CRYZ: variants seen among roughly 807,000 people sequenced by gnomAD.
CRYZ encodes the protein zeta-crystallin.
Under a neutral mutation model 34.1 loss-of-function variants are expected in CRYZ, and 35 were observed. That is an observed-to-expected ratio of 1.03 (90% CI 0.78 to 1.36). The LOEUF is 1.36. Among genes scored for constraint, CRYZ ranks in the 40% most tolerant of loss-of-function variants. The pLI is 0.00. For synonymous variants in CRYZ, 137 were observed against 136.5 expected (o/e 1.00, Z -0.03); for missense variants, 403 against 391.8 (o/e 1.03, Z -0.24).
intron 4 of CRYZ, among the ~76,000 whole-genome samples, chr1:74,718,909 T>C (rs1425878149): frequency 6.6e-6 from 1 of 152,170 alleles, no homozygotes; most frequent in Non-Finnish European, 1.5e-5. Context: ...CTTCTGAGTC[T>C]ATATATCCCT....
chr1:74,713,445 G>A (rs10890142), intron 5 of CRYZ, among the ~76,000 whole-genome samples: 114,685 of 151,980 alleles, frequency 0.75, 43,346 homozygotes, highest in Admixed American at 0.8. Context: ...AAGTTAAACA[G>A]TGGGAGTTTT....
At position 74,719,166 on chromosome 1, in the gene CRYZ, C is replaced by T. The variant is rs1041035419; in HGVS notation, c.428+43G>A. 32 of 1,596,710 alleles carry T rather than the reference C, an allele frequency of 2.0e-5. 1 individual carries two copies. In the African/African-American group the frequency reaches 3.9e-4, roughly 19 times the overall value. On this transcript the variant is annotated intron_variant, in intron 4 of 8. Transcript: ENST00000340866. ...TAGAAGGCAGGCAGTTAACACTACC[C>T]TCTTTTGGCATTGGCCATAAAATTG...
At position 74,723,189 on chromosome 1, in the gene CRYZ, A is replaced by G; in HGVS notation, c.193T>C (p.Leu65=). 6.2e-7 allele frequency: 1 copy of G among 1,614,082 alleles called. No individual in the cohort carries two copies. Among genetic ancestry groups the G allele is most frequent in the Non-Finnish European group, 8.5e-7 (1 of 1,179,938 alleles). ...RSGTYSRKPL[L]PYTPGSDVAG... ...ACATCTGAGCCAGGAGTATAGGGTA[A>G]GAGTGGTTTTCTACTATAAGTACCA... Residue 65 remains leucine, a synonymous_variant, in exon 3 of 9, where the codon TTA becomes CTA. Coordinates refer to ENST00000340866, the MANE Select transcript of CRYZ (RefSeq NM_001889.4).
intron 3 of CRYZ, among the ~76,000 whole-genome samples, chr1:74,722,634 C>T (rs865901722): frequency 2.2e-4 from 33 of 150,764 alleles, no homozygotes; most frequent in Middle Eastern, 3.4e-3. Context: ...ATATATATAT[C>T]CTGAGCATAA....
intron 4 of CRYZ, among the ~76,000 whole-genome samples, chr1:74,716,193 T>C (rs543023719): frequency 6.1e-5 from 9 of 147,080 alleles, no homozygotes; most frequent in Admixed American, 6.1e-4. Context: ...TCAATCTGTG[T>C]GCGCGTGTGT....
chr1:74,728,013 G>T (rs1647477231), intron 1 of CRYZ, among the ~76,000 whole-genome samples: 1 of 152,028 alleles, frequency 6.6e-6, no homozygotes, highest in Non-Finnish European at 1.5e-5. Flanking sequence ...TTATTGTTTT[G>T]CATGTTTTCA....
chr1:74,723,229 C>T lies in CRYZ; in HGVS notation c.153G>A (p.Glu51=). The stretch of plus-strand genomic sequence containing the variant: ...TATAAGTACCAGAGCGAATGTATGT[C>T]TCCACGGGGTTGACACCACATGCAT... ...KVHACGVNPV[E]TYIRSGTYSR... is the part of the protein sequence containing the mutation. The change falls in exon 3 of 9, where the codon GAG becomes GAA. Residue 51 remains glutamate, a synonymous_variant. Transcript: ENST00000340866. 6.2e-7 allele frequency: 1 copy of T among 1,614,014 alleles called. No individual in the cohort carries two copies. The highest frequency in any genetic ancestry group is 1.1e-5 in the South Asian group (1 of 91,048).
chr1:74,715,444 A>T (rs1647058456), intron 4 of CRYZ, among the ~76,000 whole-genome samples: 1 of 152,136 alleles, frequency 6.6e-6, no homozygotes, highest in South Asian at 2.1e-4. Flanking sequence ...TTCCTCAAAC[A>T]ATGTGGGGTG....
intron 1 of CRYZ, among the ~76,000 whole-genome samples, chr1:74,726,022 G>T (rs1647318304): frequency 6.6e-6 from 1 of 152,202 alleles, no homozygotes; most frequent in Non-Finnish European, 1.5e-5. Flanking sequence ...GGCTTTGCAG[G>T]GTAAGCCTCC....
Position 74,705,577 on chromosome 1 carries a change from C to A in CRYZ, c.*719G>T, listed in dbSNP as rs1457346579. On this transcript the variant is annotated 3_prime_UTR_variant, in exon 9 of 9. Coordinates refer to ENST00000340866, the MANE Select transcript of CRYZ (RefSeq NM_001889.4). ...TTATCAAATTTGTGAGCTTAATTAA[C>A]AAAAATATTTGACCCTCACCAGAAA... 6.6e-6 allele frequency: 1 copy of A among 151,996 alleles called. No homozygotes were observed. The allele number at this position is 151,996 out of a possible 1,614,324, so 9.4% of individuals were successfully genotyped here. A position where few individuals can be genotyped will look rare whatever the true frequency, so the allele number is the denominator to read the frequency against.
intron 3 of CRYZ, 81 bp from the exon 4 acceptor site, chr1:74,719,453 A>G: frequency 5.3e-6 from 7 of 1,312,118 alleles, no homozygotes; most frequent in African/African-American, 1.5e-5. Context: ...ATAACAAGAA[A>G]TAAGTGAGTA....
rs993681998 is a variant in CRYZ, at chr1:74,732,962, C to G, written c.-20G>C. 2 of 451,318 alleles carry G rather than the reference C, an allele frequency of 4.4e-6. No homozygotes were observed. The highest frequency in any genetic ancestry group is 2.0e-5 in the African/African-American group (1 of 49,818). 28.0% of individuals were successfully genotyped at this position (451,318 alleles called of 1,614,324 possible). A position where few individuals can be genotyped will look rare whatever the true frequency, so the allele number is the denominator to read the frequency against. Reference sequence around the variant, plus strand: ...AGTTTTTAAAACCACTTACCAGAATCTAGAGTGGGAATTAAAATCTGCGTG... The same window carrying G: ...AGTTTTTAAAACCACTTACCAGAATGTAGAGTGGGAATTAAAATCTGCGTG... On this transcript the variant is annotated 5_prime_UTR_variant, in exon 1 of 9. Transcript: ENST00000340866.
intron 4 of CRYZ, among the ~76,000 whole-genome samples, chr1:74,718,353 G>C (rs1201000391): frequency 1.3e-5 from 2 of 152,024 alleles, no homozygotes; most frequent in African/African-American, 4.8e-5. Flanking sequence ...CAGCAGATAA[G>C]TCATCTCAAT....
chr1:74,719,096 G>A, intron 4 of CRYZ, 113 bp downstream of exon 4: 1 of 1,094,276 alleles, frequency 9.1e-7, no homozygotes, highest in Non-Finnish European at 1.3e-6. Context: ...TTAATGGTAA[G>A]TAACTGGTAA....
At chr1:74,712,252 C>G (rs1427392102) in intron 5 of CRYZ, among the ~76,000 whole-genome samples, 1 of 152,144 alleles carries the variant, frequency 6.6e-6, no homozygotes, top group Non-Finnish European at 1.5e-5. Flanking sequence ...TTGGCACTAT[C>G]AACATTTTGG....
intron 3 of CRYZ, among the ~76,000 whole-genome samples, chr1:74,721,123 G>A (rs922992361): frequency 9.9e-5 from 15 of 152,136 alleles, no homozygotes; most frequent in Middle Eastern, 3.2e-3. Flanking sequence ...TAAATGCCAT[G>A]AAATTAGCAG....
intron 1 of CRYZ, among the ~76,000 whole-genome samples, chr1:74,729,229 T>C (rs1252904469): frequency 6.6e-6 from 1 of 151,634 alleles, no homozygotes; most frequent in Non-Finnish European, 1.5e-5. Flanking sequence ...GGGAGCCACA[T>C]GGCCTTGGGC....
intron 3 of CRYZ, among the ~76,000 whole-genome samples, chr1:74,722,248 A>G (rs571770274): frequency 6.6e-6 from 1 of 152,152 alleles, no homozygotes; most frequent in Non-Finnish European, 1.5e-5. Context: ...GATGTCACAG[A>G]AGCTGCAGAA....
intron 1 of CRYZ, among the ~76,000 whole-genome samples, chr1:74,732,615 GTGCAGC>G (rs1557738186): frequency 5.8e-4 from 20 of 34,534 alleles, no homozygotes; most frequent in South Asian, 1.2e-3. Context: ...GGGGGGGGGG[GTGCAGC>G]GTGGGGCTGG....
Sources: allele counts gnomAD v4.1 joint callset (sites outside exome capture counted in the v4.1 genomes callset), GRCh38; gene constraint gnomAD v4.1.1; transcripts MANE v1.5; gene names NCBI Gene and HGNC (gene_info 2026-07-23, HGNC 2026-07-21).